AGBL1: variants seen among roughly 807,000 people sequenced by gnomAD.
AGBL1 encodes the protein AGBL carboxypeptidase 1, also known as cytosolic carboxypeptidase 4.
In AGBL1, 130 loss-of-function variants were observed where a neutral mutation model predicts 118.9. The observed-to-expected ratio is 1.09, with a 90% confidence interval of 0.95 to 1.26. The LOEUF is 1.26. Ranked by LOEUF, AGBL1 falls within the 50% of genes most tolerant of loss-of-function variation. The pLI is 0.00. For missense variants in AGBL1, 1,584 were observed against 1,298.1 expected, an observed-to-expected ratio of 1.22 and a Z score of -3.38; for synonymous variants, 555 against 478.9, an observed-to-expected ratio of 1.16 and a Z score of -2.08.
At chr15:86,581,620 A>G (rs1009459707) in intron 21 of AGBL1, among the ~76,000 whole-genome samples, 7 of 152,160 alleles carry the variant, frequency 4.6e-5, no homozygotes, top group Non-Finnish European at 7.4e-5. Context: ...TTTGTGTGTC[A>G]TAACACTCCT....
intron 22 of AGBL1, among the ~76,000 whole-genome samples, chr15:86,896,463 C>T (rs773624064): frequency 5.9e-5 from 9 of 151,444 alleles, no homozygotes; most frequent in Non-Finnish European, 1.3e-4. Context: ...AAGTTTTCAC[C>T]AACAAGAATT....
intron 21 of AGBL1, among the ~76,000 whole-genome samples, chr15:86,625,071 C>G (rs557024596): frequency 2.0e-5 from 3 of 152,264 alleles, no homozygotes; most frequent in African/African-American, 7.2e-5. Flanking sequence ...TCATAGACCT[C>G]CAGTCATTCG....
chr15:86,989,868 T>C (rs139844987), intron 24 of AGBL1, among the ~76,000 whole-genome samples: 3 of 152,126 alleles, frequency 2.0e-5, no homozygotes, highest in Non-Finnish European at 4.4e-5. Flanking sequence ...GGCAATGGAA[T>C]TGGCAAGCGC....
At chr15:86,860,652 C>T (rs2079547667) in intron 22 of AGBL1, among the ~76,000 whole-genome samples, 1 of 152,038 alleles carries the variant, frequency 6.6e-6, no homozygotes, top group African/African-American at 2.4e-5. Context: ...AACAATCAAG[C>T]CCAAGGAGCT....
chr15:86,809,438 C>G (rs1248173769), intron 22 of AGBL1, among the ~76,000 whole-genome samples: 1 of 152,170 alleles, frequency 6.6e-6, no homozygotes. Context: ...TATTCCATAA[C>G]CAGGATTCTT....
chr15:86,536,857 T>C (rs981017140), intron 19 of AGBL1, among the ~76,000 whole-genome samples: 3 of 152,158 alleles, frequency 2.0e-5, no homozygotes, highest in African/African-American at 7.2e-5. Context: ...AATTTTGCCA[T>C]AAGGCTGCTC....
intron 23 of AGBL1, among the ~76,000 whole-genome samples, chr15:86,930,489 G>A (rs1260178534): frequency 6.6e-6 from 1 of 151,944 alleles, no homozygotes; most frequent in African/African-American, 2.4e-5. Context: ...CAATAAGCAA[G>A]GGAGACCTCT....
intron 23 of AGBL1, among the ~76,000 whole-genome samples, chr15:86,947,971 A>C (rs984580415): frequency 2.0e-5 from 3 of 152,182 alleles, no homozygotes; most frequent in Admixed American, 2.0e-4. Context: ...TCTCTACATC[A>C]TCAAATAATT....
intron 17 of AGBL1, among the ~76,000 whole-genome samples, chr15:86,362,491 G>A (rs1470399968): frequency 1.3e-5 from 2 of 152,134 alleles, no homozygotes; most frequent in East Asian, 1.9e-4. Context: ...CTAGTCATAG[G>A]TTTGCTTGAG....
chr15:86,542,523 TGC>T (rs141617466), intron 19 of AGBL1, among the ~76,000 whole-genome samples: 3,251 of 152,088 alleles, frequency 0.021, 59 homozygotes, highest in Middle Eastern at 0.065. Context: ...CATGCCACCA[TGC>T]CTGGCCAATT....
chr15:86,996,256 C>G (rs949802034), intron 24 of AGBL1, among the ~76,000 whole-genome samples: 1 of 152,168 alleles, frequency 6.6e-6, no homozygotes, highest in Non-Finnish European at 1.5e-5. Flanking sequence ...GTGTAACTAT[C>G]TCCCAGATCA....
At chr15:86,549,454 G>T (rs981628111) in intron 20 of AGBL1, among the ~76,000 whole-genome samples, 1 of 151,898 alleles carries the variant, frequency 6.6e-6, no homozygotes, top group Admixed American at 6.6e-5. Context: ...GACATCAGTG[G>T]CACACATTGC....
chr15:86,728,579 A>G (rs572783805), intron 22 of AGBL1, among the ~76,000 whole-genome samples: 1 of 152,282 alleles, frequency 6.6e-6, no homozygotes, highest in African/African-American at 2.4e-5. Context: ...GGCTAAATAA[A>G]AAAACCTTGC....
chr15:86,347,401 A>G (rs1469894129), intron 17 of AGBL1, among the ~76,000 whole-genome samples: 1 of 152,242 alleles, frequency 6.6e-6, no homozygotes, highest in East Asian at 1.9e-4. Context: ...ACCTGTAACA[A>G]CAGGGTTACG....
At chr15:86,628,218 C>T (rs1475828969) in intron 21 of AGBL1, among the ~76,000 whole-genome samples, 1 of 152,140 alleles carries the variant, frequency 6.6e-6, no homozygotes, top group Non-Finnish European at 1.5e-5. Context: ...GAAGTGAAGC[C>T]CCCGCATTTC....
chr15:86,209,187 G>T (rs976356880), intron 5 of AGBL1, among the ~76,000 whole-genome samples: 1 of 152,170 alleles, frequency 6.6e-6, no homozygotes, highest in Admixed American at 6.5e-5. Context: ...GAGACAGTTT[G>T]TTGTGATTTC....
chr15:86,693,683 A>AG (rs1307957776), intron 22 of AGBL1, among the ~76,000 whole-genome samples: 147 of 152,182 alleles, frequency 9.7e-4, no homozygotes, highest in Non-Finnish European at 1.2e-3. Context: ...GCCAATGCCT[A>AG]GAGGGTCTTT....
chr15:86,833,675 A>C (rs764724383), intron 22 of AGBL1, among the ~76,000 whole-genome samples: 1 of 152,196 alleles, frequency 6.6e-6, no homozygotes, highest in Non-Finnish European at 1.5e-5. Context: ...GAATGCTGGA[A>C]TAGCCTGCTA....
intron 22 of AGBL1, among the ~76,000 whole-genome samples, chr15:86,798,145 G>T (rs541944980): frequency 6.6e-6 from 1 of 152,048 alleles, no homozygotes; most frequent in African/African-American, 2.4e-5. Context: ...CAGAAATTCA[G>T]TTTCAATATC....
Sources: gnomAD v4.1 joint callset for allele counts (sites outside exome capture counted in the v4.1 genomes callset) on GRCh38, gnomAD v4.1.1 for gene constraint, MANE v1.5 for transcripts, NCBI Gene and HGNC (gene_info 2026-07-23, HGNC 2026-07-21) for gene names.